The following PPP1R9A variants were observed in gnomAD, a reference collection of about 807,000 sequenced individuals.
PPP1R9A encodes protein phosphatase 1 regulatory subunit 9A.
In PPP1R9A, 59 loss-of-function variants were observed where a neutral mutation model predicts 141.9. The ratio of observed to expected loss-of-function variants is 0.42; its 90% CI spans 0.34 to 0.52. PPP1R9A has a LOEUF of 0.52. Among genes scored for constraint, PPP1R9A ranks in the 20% least tolerant of loss-of-function variants. PPP1R9A has a pLI of 0.10. For synonymous variants in PPP1R9A, 500 were observed against 569.7 expected, an observed-to-expected ratio of 0.88 and a Z score of 1.74; for missense variants, 1,444 against 1,611.9, an observed-to-expected ratio of 0.90 and a Z score of 1.78.
chr7:95,279,350 T>C (rs892072505), intron 16 of PPP1R9A, among the ~76,000 whole-genome samples: 43 of 152,140 alleles, frequency 2.8e-4, no homozygotes, highest in Admixed American at 2.1e-3. Context: ...TTTAGAAGAA[T>C]TGATGGAGAT....
At chr7:95,208,585 A>G (rs373132984) in intron 7 of PPP1R9A, among the ~76,000 whole-genome samples, 7 of 151,626 alleles carry the variant, frequency 4.6e-5, no homozygotes, top group Non-Finnish European at 8.8e-5. Flanking sequence ...TTAGCCGGGC[A>G]TGGTGGTGGG....
chr7:95,172,176 T>G (rs1260379057), intron 5 of PPP1R9A, among the ~76,000 whole-genome samples: 3 of 151,698 alleles, frequency 2.0e-5, no homozygotes, highest in Admixed American at 2.0e-4. Context: ...AATGCTTTTC[T>G]CTTGGTATTA....
intron 2 of PPP1R9A, among the ~76,000 whole-genome samples, chr7:94,924,892 CCCTTGAAG>C (rs1425314201): frequency 1.3e-5 from 2 of 152,228 alleles, no homozygotes; most frequent in African/African-American, 4.8e-5. Context: ...TCCATTAGAA[CCCTTGAAG>C]CCTGTCCCTC....
At chr7:95,159,381 A>T (rs1199450337) in intron 4 of PPP1R9A, among the ~76,000 whole-genome samples, 2 of 152,204 alleles carry the variant, frequency 1.3e-5, no homozygotes, top group African/African-American at 4.8e-5. Flanking sequence ...GTTTCAAAAA[A>T]TCCGTAGAAA....
rs934320117 is a variant in PPP1R9A at position 95,027,953 on chromosome 7, C to T, written c.1396-83306C>T. On this transcript the variant is annotated intron_variant, in intron 2 of 19. Transcript: ENST00000433360. ...GATTTATGTATTTTGTTTTTTTGTG[C>T]TGTGGCTTCATGAATGACCTGCCTG... Among the ~76,000 whole-genome samples, 4 of 152,058 alleles carry T rather than the reference C, an allele frequency of 2.6e-5. No individual in the cohort carries two copies. The South Asian group carries it at 6.2e-4, about 24-fold the overall frequency.
intron 8 of PPP1R9A, 99 bp from the exon 9 acceptor site, chr7:95,247,374 C>A (rs188534597): frequency 5.3e-5 from 49 of 929,904 alleles, no homozygotes; most frequent in Middle Eastern, 6.2e-4. Context: ...CTTTTCTAGG[C>A]CTTTTACTAT....
chr7:95,181,769 A>G (rs1275879390), intron 5 of PPP1R9A, among the ~76,000 whole-genome samples: 2 of 138,712 alleles, frequency 1.4e-5, no homozygotes, highest in Non-Finnish European at 3.0e-5. Context: ...TAGAATATAT[A>G]TATATTCCGT....
At chr7:95,075,997 T>C (rs181674880) in intron 2 of PPP1R9A, among the ~76,000 whole-genome samples, 48 of 152,290 alleles carry the variant, frequency 3.2e-4, no homozygotes, top group African/African-American at 8.9e-4. Context: ...GTCTTTCTGA[T>C]ATGGAAGAGG....
rs571635258 is a variant in PPP1R9A, at chr7:95,148,862, G to A, written c.1650-13005G>A. Reference sequence around the variant, plus strand: ...AATACTTCGTGTTCCATTCTATGAGGCCACCAGAACTCTAACACCAAAATC... The same window carrying A: ...AATACTTCGTGTTCCATTCTATGAGACCACCAGAACTCTAACACCAAAATC... On this transcript the variant is annotated intron_variant, in intron 4 of 19. Coordinates refer to ENST00000433360, the MANE Select transcript of PPP1R9A (RefSeq NM_001166160.2). Among the ~76,000 whole-genome samples the A allele has an allele frequency of 9.2e-5, 14 of 151,926 alleles. 1 individual carries two copies. The South Asian group carries it at 2.9e-3, about 32-fold the overall frequency.
At chr7:94,955,494 G>A (rs2151075180) in intron 2 of PPP1R9A, among the ~76,000 whole-genome samples, 1 of 151,916 alleles carries the variant, frequency 6.6e-6, no homozygotes, top group South Asian at 2.1e-4. Context: ...TATTCCCACT[G>A]GATAGTACTT....
chr7:95,004,882 A>G (rs1803388810), intron 2 of PPP1R9A, among the ~76,000 whole-genome samples: 1 of 152,230 alleles, frequency 6.6e-6, no homozygotes, highest in African/African-American at 2.4e-5. Flanking sequence ...ATTCCTTCCC[A>G]CAGACTACAG....
intron 2 of PPP1R9A, among the ~76,000 whole-genome samples, chr7:94,972,517 C>T (rs1798965787): frequency 6.6e-6 from 1 of 151,656 alleles, no homozygotes; most frequent in South Asian, 2.1e-4. Context: ...CAAATATTTT[C>T]TCAACCTTCA....
chr7:95,219,691 G>A (rs1348716206), intron 7 of PPP1R9A, among the ~76,000 whole-genome samples: 1 of 151,916 alleles, frequency 6.6e-6, no homozygotes, highest in Non-Finnish European at 1.5e-5. Flanking sequence ...ATATATGCTG[G>A]GCCAGGCATC....
intron 4 of PPP1R9A, among the ~76,000 whole-genome samples, chr7:95,140,580 G>A (rs1457158175): frequency 6.6e-6 from 1 of 152,066 alleles, no homozygotes; most frequent in African/African-American, 2.4e-5. Flanking sequence ...TAGTATAGAC[G>A]GGGTTTTGCC....
intron 2 of PPP1R9A, among the ~76,000 whole-genome samples, chr7:95,005,313 A>T (rs1289443637): frequency 6.6e-6 from 1 of 152,196 alleles, no homozygotes; most frequent in Non-Finnish European, 1.5e-5. Context: ...GGCACTCAGT[A>T]AACTGAGGAT....
At position 95,074,896 on chromosome 7, in the gene PPP1R9A, T is replaced by A. The variant is rs543808873; in HGVS notation, c.1396-36363T>A. On this transcript the variant is annotated intron_variant, in intron 2 of 19. Transcript: ENST00000433360. ...TCACTTAATTTTTAAGTTTTAATAA[T>A]ATGATAGGTGATGAATGCTAATTTT... is the stretch of plus-strand genomic sequence containing the variant. Among the ~76,000 whole-genome samples the A allele has an allele frequency of 4.6e-5, 7 of 152,336 alleles. No individual in the cohort carries two copies. The East Asian group carries it at 1.3e-3, about 29-fold the overall frequency.
chr7:95,247,578 A>C (rs1211894846), intron 9 of PPP1R9A, 52 bp downstream of exon 9: 2 of 1,412,648 alleles, frequency 1.4e-6, no homozygotes, highest in East Asian at 4.6e-5. Context: ...TTCAGATACT[A>C]TGAATAAATC....
At chr7:95,048,241 C>T (rs1297167178) in intron 2 of PPP1R9A, among the ~76,000 whole-genome samples, 1 of 152,068 alleles carries the variant, frequency 6.6e-6, no homozygotes, top group East Asian at 1.9e-4. Context: ...TAATTTATGG[C>T]TTCTTGTAAT....
At chr7:95,056,557 G>A (rs1811525890) in intron 2 of PPP1R9A, among the ~76,000 whole-genome samples, 1 of 152,008 alleles carries the variant, frequency 6.6e-6, no homozygotes, top group African/African-American at 2.4e-5. Context: ...CAAAATAACA[G>A]GCTTTCCTTG....
Sources: gnomAD v4.1 joint callset for allele counts (sites outside exome capture counted in the v4.1 genomes callset) on GRCh38, gnomAD v4.1.1 for gene constraint, MANE v1.5 for transcripts, NCBI Gene and HGNC (gene_info 2026-07-23, HGNC 2026-07-21) for gene names.